The following STPG2 variants were observed in gnomAD, a reference collection of about 807,000 sequenced individuals.
STPG2 encodes sperm tail PG-rich repeat containing 2, also known as sperm-tail PG-rich repeat-containing protein 2.
Under a neutral mutation model 54.2 loss-of-function variants are expected in STPG2, and 56 were observed. That is an observed-to-expected ratio of 1.03 (90% confidence interval 0.83 to 1.29). The LOEUF (loss-of-function observed/expected upper bound fraction) is 1.29, where lower values mean the gene tolerates loss of function less well. Ranked by LOEUF, STPG2 falls within the 50% of genes most tolerant of loss-of-function variation. STPG2 has a pLI of 0.00. For missense variants in STPG2, 596 were observed against 544.9 expected (o/e 1.09, Z -0.93); for synonymous variants, 200 against 181.8 (o/e 1.10, Z -0.81).
At chr4:97,547,925 C>T (rs529885438) in intron 4 of STPG2, among the ~76,000 whole-genome samples, 10 of 151,674 alleles carry the variant, frequency 6.6e-5, no homozygotes, top group East Asian at 1.9e-4. Flanking sequence ...CTGAGGCAGG[C>T]GGAACACCTG....
At chr4:97,987,385 T>G (rs912907179) in intron 5 of STPG2, among the ~76,000 whole-genome samples, 8 of 152,224 alleles carry the variant, frequency 5.3e-5, no homozygotes, top group Admixed American at 5.2e-4. Context: ...TTTAAATGTA[T>G]GTAAATCAAC....
chr4:97,507,085 G>A (rs904771377), intron 4 of STPG2, among the ~76,000 whole-genome samples: 1 of 151,970 alleles, frequency 6.6e-6, no homozygotes, highest in Non-Finnish European at 1.5e-5. Flanking sequence ...CAGCTACTTG[G>A]GAGGCTGAGG....
intron 10 of STPG2, among the ~76,000 whole-genome samples, chr4:97,605,660 A>T (rs1299328944): frequency 6.6e-6 from 1 of 151,766 alleles, no homozygotes; most frequent in Non-Finnish European, 1.5e-5. Context: ...TAGGAAATTA[A>T]TAACAATATA....
intron 9 of STPG2, among the ~76,000 whole-genome samples, chr4:97,766,416 C>T (rs948663629): frequency 6.6e-6 from 1 of 151,970 alleles, no homozygotes; most frequent in African/African-American, 2.4e-5. Context: ...ATATAAAATT[C>T]CTTTTATCCC....
chr4:97,730,838 A>G (rs546880429), intron 9 of STPG2, among the ~76,000 whole-genome samples: 8 of 152,182 alleles, frequency 5.3e-5, no homozygotes, highest in Non-Finnish European at 1.2e-4. Context: ...AAATCCCTGT[A>G]GTGAATTTTT....
intron 10 of STPG2, among the ~76,000 whole-genome samples, chr4:97,578,224 C>G (rs763131794): frequency 2.5e-4 from 38 of 151,612 alleles, no homozygotes; most frequent in Non-Finnish European, 4.1e-4. Flanking sequence ...CCCACCTCAA[C>G]CTCCCGAGTA....
chr4:97,934,171 G>A (rs991134135), intron 8 of STPG2, among the ~76,000 whole-genome samples: 1 of 152,070 alleles, frequency 6.6e-6, no homozygotes, highest in African/African-American at 2.4e-5. Context: ...CTTGTCTATT[G>A]TTGGTGTATA....
intron 8 of STPG2, among the ~76,000 whole-genome samples, chr4:97,866,822 T>C (rs1228989219): frequency 6.6e-6 from 1 of 151,994 alleles, no homozygotes; most frequent in Non-Finnish European, 1.5e-5. Flanking sequence ...AACTGAGTTA[T>C]GTGAAAGAGG....
chr4:97,512,886 A>T (rs1463192877), intron 4 of STPG2, among the ~76,000 whole-genome samples: 1 of 152,030 alleles, frequency 6.6e-6, no homozygotes, highest in Non-Finnish European at 1.5e-5. Flanking sequence ...TCTGCAGATG[A>T]TTCTGCAGCA....
intron 8 of STPG2, among the ~76,000 whole-genome samples, chr4:97,875,173 G>C (rs563852566): frequency 6.6e-6 from 1 of 151,854 alleles, no homozygotes; most frequent in Non-Finnish European, 1.5e-5. Context: ...TAGATGTTTT[G>C]TGGATATTTG....
chr4:97,852,386 G>T (rs1293174610), intron 8 of STPG2, among the ~76,000 whole-genome samples: 1 of 152,144 alleles, frequency 6.6e-6, no homozygotes, highest in Admixed American at 6.5e-5. Flanking sequence ...GAATTGCTGG[G>T]TTATATTTAT....
chr4:97,574,562 C>G (rs923069118), intron 10 of STPG2, among the ~76,000 whole-genome samples: 2 of 152,012 alleles, frequency 1.3e-5, no homozygotes, highest in Admixed American at 1.3e-4. Context: ...AACTCCATCT[C>G]TCTGGGTTTA....
chr4:97,631,712 T>C (rs997658), intron 10 of STPG2, among the ~76,000 whole-genome samples: 91,073 of 151,782 alleles, frequency 0.6, 27,869 homozygotes, highest in African/African-American at 0.72. Context: ...GAACAAAGCC[T>C]GAGAATGTCA....
At chr4:97,587,042 T>C (rs1733019644) in intron 10 of STPG2, among the ~76,000 whole-genome samples, 1 of 151,892 alleles carries the variant, frequency 6.6e-6, no homozygotes, top group African/African-American at 2.4e-5. Context: ...GCTATAAAGG[T>C]AATGTTTGTC....
At chr4:97,796,069 T>G (rs967524490) in intron 9 of STPG2, among the ~76,000 whole-genome samples, 2 of 152,220 alleles carry the variant, frequency 1.3e-5, no homozygotes, top group African/African-American at 4.8e-5. Flanking sequence ...CTTGTAAATT[T>G]GTTTGAGTTC....
intron 10 of STPG2, among the ~76,000 whole-genome samples, chr4:97,569,626 A>G (rs78637207): frequency 0.016 from 2,440 of 152,268 alleles, 51 homozygotes; most frequent in African/African-American, 0.056. Flanking sequence ...TAACAAGTAA[A>G]GTAGAAGGGA....
intron 4 of STPG2, among the ~76,000 whole-genome samples, chr4:97,465,254 C>T (rs1380592383): frequency 6.6e-6 from 1 of 152,150 alleles, no homozygotes; most frequent in East Asian, 1.9e-4. Flanking sequence ...CTGTATCACT[C>T]TGTATTTGTC....
At chr4:98,019,255 A>G (rs1430200606) in intron 5 of STPG2, among the ~76,000 whole-genome samples, 1 of 152,142 alleles carries the variant, frequency 6.6e-6, no homozygotes, top group Non-Finnish European at 1.5e-5. Flanking sequence ...AGGTGCCAGC[A>G]CCATTTATTA....
chr4:97,712,547 C>T, intron 10 of STPG2, 152 bp downstream of exon 10: 1 of 455,902 alleles, frequency 2.2e-6, no homozygotes, highest in Non-Finnish European at 3.8e-6. Context: ...AATGTCAGAC[C>T]ACATCTTCAA....
Sources: allele counts gnomAD v4.1 joint callset (sites outside exome capture counted in the v4.1 genomes callset), GRCh38; gene constraint gnomAD v4.1.1; transcripts MANE v1.5; gene names NCBI Gene and HGNC (gene_info 2026-07-23, HGNC 2026-07-21).